Variants in PRKN observed in about 807,000 individuals in gnomAD.
PRKN encodes the protein parkin RBR E3 ubiquitin protein ligase.
In PRKN, 56 loss-of-function variants were observed where a neutral mutation model predicts 59.5. The observed-to-expected ratio is 0.94, with a 90% CI of 0.76 to 1.18. The LOEUF is 1.18. Ranked by LOEUF, PRKN falls within the 50% of genes most tolerant of loss-of-function variation. The probability of loss-of-function intolerance (pLI) is 0.00; values close to 1 mark genes in which losing one functional copy is unlikely to be tolerated. For missense variants in PRKN, 657 were observed against 596.4 expected (o/e 1.10, Z -1.06); for synonymous variants, 250 against 222.1 (o/e 1.13, Z -1.12).
chr6:162,582,077 C>G lies in PRKN; in HGVS notation c.8-138604G>C, dbSNP rs755053464. On this transcript the variant is annotated intron_variant, in intron 1 of 11. Coordinates refer to ENST00000366898, the MANE Select transcript of PRKN (RefSeq NM_004562.3). ...CCACTATAGTCAAGTCATTTAAATT[C>G]CCTGTGGTTAAGTCTCTTATCTGCA... Among the ~76,000 whole-genome samples, 5 of 152,160 alleles carry G rather than the reference C, an allele frequency of 3.3e-5. 1 individual carries two copies. Among genetic ancestry groups the G allele is most frequent in the African/African-American group, 4.8e-5 (2 of 41,438 alleles).
chr6:161,434,281 T>G (rs567992237), intron 9 of PRKN, among the ~76,000 whole-genome samples: 17 of 151,688 alleles, frequency 1.1e-4, no homozygotes, highest in African/African-American at 4.1e-4. Flanking sequence ...TTGCCATAGA[T>G]CATAGGGAAA....
chr6:161,639,124 G>A (rs199720445), intron 7 of PRKN, among the ~76,000 whole-genome samples: 3 of 152,054 alleles, frequency 2.0e-5, no homozygotes, highest in Non-Finnish European at 2.9e-5. Flanking sequence ...TTTCCCTTCC[G>A]CCATAAGTGT....
intron 1 of PRKN, among the ~76,000 whole-genome samples, chr6:162,575,821 C>A (rs1780533298): frequency 6.6e-6 from 1 of 152,164 alleles, no homozygotes; most frequent in African/African-American, 2.4e-5. Context: ...GCCCTCTAGA[C>A]CCATGACACC....
At chr6:161,504,253 C>T (rs73591647) in intron 9 of PRKN, among the ~76,000 whole-genome samples, 2,487 of 152,218 alleles carry the variant, frequency 0.016, 73 homozygotes, top group African/African-American at 0.057. Context: ...ATGAACACAG[C>T]GTTATCTGCA....
intron 1 of PRKN, among the ~76,000 whole-genome samples, chr6:162,558,460 G>C (rs541782393): frequency 1.3e-5 from 2 of 151,414 alleles, no homozygotes; most frequent in Non-Finnish European, 2.9e-5. Context: ...CTCCCAGGTA[G>C]CTGGGATTAC....
At chr6:162,028,158 T>C in intron 5 of PRKN, among the ~76,000 whole-genome samples, 1 of 152,198 alleles carries the variant, frequency 6.6e-6, no homozygotes, top group South Asian at 2.1e-4. Context: ...TTATAAAAAC[T>C]TGGTTGTTTA....
intron 6 of PRKN, among the ~76,000 whole-genome samples, chr6:161,902,601 C>G (rs1777975618): frequency 1.1e-5 from 1 of 91,072 alleles, no homozygotes; most frequent in African/African-American, 4.3e-5. Flanking sequence ...GCTCTGTTCC[C>G]CAGGCTGGAG....
intron 6 of PRKN, among the ~76,000 whole-genome samples, chr6:161,956,456 A>G (rs1023743699): frequency 1.3e-4 from 20 of 152,210 alleles, no homozygotes; most frequent in Non-Finnish European, 2.8e-4. Context: ...CAAAATCAGT[A>G]TGGCATAAAA....
chr6:161,382,252 C>T (rs903493421), intron 10 of PRKN, among the ~76,000 whole-genome samples: 3 of 151,722 alleles, frequency 2.0e-5, no homozygotes, highest in African/African-American at 7.3e-5. Flanking sequence ...TGAAAGCTTA[C>T]AGGATGTAGT....
chr6:161,874,828 A>AAATATATATAATATATAG (rs1219012447), intron 6 of PRKN, among the ~76,000 whole-genome samples: 1 of 112,412 alleles, frequency 8.9e-6, no homozygotes, highest in Non-Finnish European at 1.6e-5. Context: ...ATAATATATA[A>AAATATATATAATATATAG]AATGTATAAT....
intron 5 of PRKN, among the ~76,000 whole-genome samples, chr6:162,002,202 C>T (rs1368171913): frequency 1.2e-4 from 18 of 152,034 alleles, no homozygotes; most frequent in Admixed American, 1.2e-3. Context: ...TCTGCAGTTT[C>T]ATCCTTCTGA....
chr6:162,035,327 C>G (rs969657758), intron 5 of PRKN, among the ~76,000 whole-genome samples: 1 of 152,154 alleles, frequency 6.6e-6, no homozygotes, highest in African/African-American at 2.4e-5. Context: ...ACCTCCAACA[C>G]TGGGGATTAA....
chr6:162,446,894 A>C (rs537312356), intron 1 of PRKN, among the ~76,000 whole-genome samples: 49 of 152,226 alleles, frequency 3.2e-4, no homozygotes, highest in African/African-American at 1.0e-3. Context: ...AGTTCTCCCC[A>C]CCTACTACCT....
chr6:161,906,655 C>CATATATATATATATAT (rs1168847600), intron 6 of PRKN, among the ~76,000 whole-genome samples: 5 of 90,576 alleles, frequency 5.5e-5, no homozygotes, highest in African/African-American at 2.5e-4. Flanking sequence ...TCTAATAGAA[C>CATATATATATATATAT]ATACATATAT....
chr6:162,067,562 A>G (rs964083406), intron 4 of PRKN, among the ~76,000 whole-genome samples: 3 of 152,244 alleles, frequency 2.0e-5, no homozygotes, highest in Non-Finnish European at 1.5e-5. Context: ...TTAAAAAAGC[A>G]TTGATCATTT....
At chr6:161,507,113 C>T (rs1778202325) in intron 9 of PRKN, among the ~76,000 whole-genome samples, 2 of 152,200 alleles carry the variant, frequency 1.3e-5, no homozygotes, top group African/African-American at 4.8e-5. Context: ...AAAAATTCCT[C>T]TCTTCCTAAA....
intron 7 of PRKN, among the ~76,000 whole-genome samples, chr6:161,733,783 A>AT (rs1554298472): frequency 0.05 from 4,319 of 85,944 alleles, 108 homozygotes; most frequent in African/African-American, 0.084. Flanking sequence ...AAAAAAAAAA[A>AT]ATATATATAT....
At chr6:162,289,031 C>G (rs868176548) in intron 2 of PRKN, among the ~76,000 whole-genome samples, 1 of 152,114 alleles carries the variant, frequency 6.6e-6, no homozygotes, top group African/African-American at 2.4e-5. Flanking sequence ...AGTGTAGTTT[C>G]CTACACATGG....
chr6:161,831,104 T>G (rs993799101), intron 6 of PRKN, among the ~76,000 whole-genome samples: 9 of 152,180 alleles, frequency 5.9e-5, no homozygotes, highest in African/African-American at 2.2e-4. Context: ...AAAGAGCAGC[T>G]AACTGGCCCA....
Sources: allele counts gnomAD v4.1 joint callset (sites outside exome capture counted in the v4.1 genomes callset), GRCh38; gene constraint gnomAD v4.1.1; transcripts MANE v1.5; gene names NCBI Gene and HGNC (gene_info 2026-07-23, HGNC 2026-07-21).